PDE1A: variants seen among roughly 807,000 people sequenced by gnomAD.
PDE1A encodes the protein dual specificity calcium/calmodulin-dependent 3',5'-cyclic nucleotide phosphodiesterase 1A.
PDE1A carries 35 observed loss-of-function variants against 61.7 expected under a neutral mutation model. The ratio of observed to expected loss-of-function variants is 0.57; its 90% CI spans 0.43 to 0.75. PDE1A has a LOEUF of 0.75. Among genes scored for constraint, PDE1A ranks in the 30% least tolerant of loss-of-function variants. The pLI is 0.00. For synonymous variants in PDE1A, 232 were observed against 213.2 expected, an observed-to-expected ratio of 1.09 and a Z score of -0.77; for missense variants, 597 against 630.6, an observed-to-expected ratio of 0.95 and a Z score of 0.57.
the PDE1A span, among the ~76,000 whole-genome samples, chr2:182,566,513 T>C: frequency 6.6e-6 from 1 of 151,142 alleles, no homozygotes; most frequent in Admixed American, 6.6e-5. Context: ...AATTATATAA[T>C]ATATATTTAT....
the PDE1A span, among the ~76,000 whole-genome samples, chr2:182,583,589 A>G: frequency 6.6e-6 from 1 of 152,082 alleles, no homozygotes; most frequent in African/African-American, 2.4e-5. Context: ...GATTCTCCTC[A>G]CCCCGGCTCT....
the PDE1A span, among the ~76,000 whole-genome samples, chr2:182,628,760 T>C: frequency 2.8e-4 from 43 of 152,184 alleles, no homozygotes; most frequent in Non-Finnish European, 3.1e-4. Flanking sequence ...TTGGTCTTTT[T>C]AAAATATTGT....
At chr2:182,150,262 A>T (rs1690706645) in intron 13 of PDE1A, among the ~76,000 whole-genome samples, 2 of 152,194 alleles carry the variant, frequency 1.3e-5, no homozygotes, top group Non-Finnish European at 2.9e-5. Context: ...CCCTCTCTAT[A>T]TAACTCTGGA....
At chr2:182,154,110 T>A (rs1690937648) in intron 13 of PDE1A, among the ~76,000 whole-genome samples, 1 of 152,170 alleles carries the variant, frequency 6.6e-6, no homozygotes, top group African/African-American at 2.4e-5. Flanking sequence ...ATAATCTGAA[T>A]AAACTATTCT....
intron 13 of PDE1A, among the ~76,000 whole-genome samples, chr2:182,160,610 T>C (rs1246885106): frequency 1.3e-5 from 2 of 152,166 alleles, no homozygotes; most frequent in African/African-American, 4.8e-5. Flanking sequence ...AGCCTCAGAC[T>C]GGGGCTGCAT....
chr2:182,244,243 A>G (rs1430035054), intron 2 of PDE1A, among the ~76,000 whole-genome samples: 1 of 152,166 alleles, frequency 6.6e-6, no homozygotes, highest in East Asian at 1.9e-4. Context: ...TTCTTCAGGG[A>G]AATGGATTAT....
intron 1 of PDE1A, among the ~76,000 whole-genome samples, chr2:182,336,669 A>ATGATGGGT (rs1390691436): frequency 6.6e-6 from 1 of 152,102 alleles, no homozygotes; most frequent in Admixed American, 6.6e-5. Flanking sequence ...CCTAATGTAG[A>ATGATGGGT]TGATGGGTTG....
the PDE1A span, among the ~76,000 whole-genome samples, chr2:182,610,135 T>G: frequency 6.6e-6 from 1 of 150,834 alleles, no homozygotes; most frequent in East Asian, 2.0e-4. Flanking sequence ...AGCCAACGAG[T>G]CTGGACAAAT....
At chr2:182,390,784 G>A (rs1701377390) in intron 1 of PDE1A, among the ~76,000 whole-genome samples, 1 of 152,204 alleles carries the variant, frequency 6.6e-6, no homozygotes, top group South Asian at 2.1e-4. Flanking sequence ...GGAAGACCCT[G>A]ATGAGGCTGG....
At chr2:182,440,456 C>A (rs189690985) in intron 2 of PDE1A, among the ~76,000 whole-genome samples, 1 of 152,060 alleles carries the variant, frequency 6.6e-6, no homozygotes, top group Non-Finnish European at 1.5e-5. Flanking sequence ...TTAAATCATA[C>A]CACATAGCTG....
intron 2 of PDE1A, among the ~76,000 whole-genome samples, chr2:182,434,170 G>C (rs1212004630): frequency 1.3e-5 from 2 of 152,098 alleles, no homozygotes; most frequent in Non-Finnish European, 2.9e-5. Flanking sequence ...ACCTAGTCAA[G>C]TTATACCAAA....
At chr2:182,288,447 T>C (rs1431580367) in intron 1 of PDE1A, among the ~76,000 whole-genome samples, 1 of 152,148 alleles carries the variant, frequency 6.6e-6, no homozygotes, top group Non-Finnish European at 1.5e-5. Context: ...TTGAATATCA[T>C]CATTTTCATA....
intron 2 of PDE1A, among the ~76,000 whole-genome samples, chr2:182,251,614 G>C (rs1164361649): frequency 1.3e-5 from 2 of 152,174 alleles, no homozygotes; most frequent in East Asian, 3.9e-4. Flanking sequence ...ACTAAGGTTT[G>C]AGAACACTGT....
At chr2:182,244,756 T>C (rs1312116493) in intron 2 of PDE1A, among the ~76,000 whole-genome samples, 1 of 152,214 alleles carries the variant, frequency 6.6e-6, no homozygotes, top group African/African-American at 2.4e-5. Flanking sequence ...TTTTGAAAAT[T>C]GTTCATTCTT....
At chr2:182,395,821 T>G (rs2125415112) in intron 1 of PDE1A, among the ~76,000 whole-genome samples, 1 of 152,340 alleles carries the variant, frequency 6.6e-6, no homozygotes, top group East Asian at 1.9e-4. Context: ...CCCTGCCATC[T>G]TCTCCAGATA....
At chr2:182,493,046 A>G (rs1280107438) in intron 2 of PDE1A, among the ~76,000 whole-genome samples, 2 of 152,110 alleles carry the variant, frequency 1.3e-5, no homozygotes, top group African/African-American at 4.8e-5. Flanking sequence ...TGCATAAAAC[A>G]TCTACTCTGT....
chr2:182,167,633 G>C (rs1242625087), downstream of PDE1A, among the ~76,000 whole-genome samples: 2 of 151,986 alleles, frequency 1.3e-5, no homozygotes, highest in African/African-American at 4.8e-5. Flanking sequence ...GAGCATCTTT[G>C]GTACACACTG....
the PDE1A span, among the ~76,000 whole-genome samples, chr2:182,598,293 C>A: frequency 2.6e-5 from 4 of 152,136 alleles, no homozygotes; most frequent in Non-Finnish European, 5.9e-5. Flanking sequence ...GGTTCTCAAC[C>A]GGGCACAGTG....
At chr2:182,230,685 T>C (rs1689510134) in intron 5 of PDE1A, among the ~76,000 whole-genome samples, 1 of 152,202 alleles carries the variant, frequency 6.6e-6, no homozygotes. Flanking sequence ...TAAAGGTTCA[T>C]TCTGTATTTT....
Sources: allele counts gnomAD v4.1 joint callset (sites outside exome capture counted in the v4.1 genomes callset), GRCh38; gene constraint gnomAD v4.1.1; transcripts MANE v1.5; gene names NCBI Gene and HGNC (gene_info 2026-07-23, HGNC 2026-07-21).